Variants in SAMSN1 observed in about 807,000 individuals in gnomAD.
SAMSN1 encodes the protein SAM domain-containing protein SAMSN-1.
Under a neutral mutation model 42.0 loss-of-function variants are expected in SAMSN1, and 31 were observed. The observed-to-expected ratio is 0.74, with a 90% confidence interval of 0.55 to 1.00. The LOEUF (loss-of-function observed/expected upper bound fraction) is 1.00, where lower values mean the gene tolerates loss of function less well. Ranked by LOEUF, SAMSN1 falls within the 50% of genes least tolerant of loss-of-function variation. The pLI, the probability that SAMSN1 is intolerant of heterozygous loss-of-function variation, is 0.00. For synonymous variants in SAMSN1, 178 were observed against 151.9 expected (o/e 1.17, Z -1.26); for missense variants, 464 against 439.4 (o/e 1.06, Z -0.50).
At chr21:14,639,640 C>T (rs1274800940) in intron 2 of SAMSN1, among the ~76,000 whole-genome samples, 1 of 152,106 alleles carries the variant, frequency 6.6e-6, no homozygotes, top group African/African-American at 2.4e-5. Context: ...AATTCAAATA[C>T]TTTGTGAGCT....
intron 2 of SAMSN1, among the ~76,000 whole-genome samples, chr21:14,640,820 A>G (rs1983576559): frequency 6.6e-6 from 1 of 152,144 alleles, no homozygotes; most frequent in South Asian, 2.1e-4. Context: ...CTGTATACAT[A>G]CATACATGTT....
At chr21:14,601,452 A>G (rs974893663) in intron 6 of SAMSN1, among the ~76,000 whole-genome samples, 6 of 152,216 alleles carry the variant, frequency 3.9e-5, no homozygotes, top group Non-Finnish European at 7.3e-5. Context: ...TAATGAAACT[A>G]TCAGAATGAT....
intron 3 of SAMSN1, among the ~76,000 whole-genome samples, chr21:14,513,977 G>T (rs1275812434): frequency 1.3e-5 from 2 of 152,128 alleles, no homozygotes; most frequent in African/African-American, 4.8e-5. Context: ...ATCTCTTGCT[G>T]CGGGACCCTT....
intron 1 of SAMSN1, among the ~76,000 whole-genome samples, chr21:14,652,235 C>T (rs1476463815): frequency 6.6e-6 from 1 of 151,958 alleles, no homozygotes; most frequent in Non-Finnish European, 1.5e-5. Flanking sequence ...ATAGCCAAAG[C>T]TATCCTAAGC....
At chr21:14,627,398 C>G (rs1046706991) in intron 2 of SAMSN1, among the ~76,000 whole-genome samples, 6 of 152,116 alleles carry the variant, frequency 3.9e-5, no homozygotes, top group Non-Finnish European at 8.8e-5. Context: ...AATTTTTCAC[C>G]AAATTTTACT....
upstream of SAMSN1, among the ~76,000 whole-genome samples, chr21:14,584,472 G>A (rs1014300191): frequency 1.3e-5 from 2 of 152,118 alleles, no homozygotes; most frequent in Non-Finnish European, 2.9e-5. Context: ...ATTCAGGAAT[G>A]TTTCCCACTA....
chr21:14,634,610 A>G (rs1296914345), intron 2 of SAMSN1, among the ~76,000 whole-genome samples: 2 of 152,176 alleles, frequency 1.3e-5, no homozygotes, highest in Middle Eastern at 3.2e-3. Context: ...CAAAACCACA[A>G]TGAGATACCA....
intron 2 of SAMSN1, among the ~76,000 whole-genome samples, chr21:14,581,793 T>A (rs1429290834): frequency 6.6e-6 from 1 of 152,194 alleles, no homozygotes; most frequent in African/African-American, 2.4e-5. Flanking sequence ...CTCATTAAAA[T>A]TAGCTATTAT....
At chr21:14,524,093 G>T (rs1978675750) in intron 1 of SAMSN1, among the ~76,000 whole-genome samples, 1 of 152,104 alleles carries the variant, frequency 6.6e-6, no homozygotes, top group Non-Finnish European at 1.5e-5. Flanking sequence ...TTCTCAGATG[G>T]TTTTATGATG....
intron 3 of SAMSN1, among the ~76,000 whole-genome samples, chr21:14,614,505 T>A (rs1982783690): frequency 6.6e-6 from 1 of 151,996 alleles, no homozygotes; most frequent in Non-Finnish European, 1.5e-5. Context: ...TCACTAACTG[T>A]TACAGCTTAA....
Position 14,636,875 on chromosome 21 carries a change from C to CA in SAMSN1, c.156+6126dup, listed in dbSNP as rs977053986. Among the ~76,000 whole-genome samples, 20 of 151,736 alleles carry CA rather than the reference C, an allele frequency of 1.3e-4. No homozygotes were observed. In the East Asian group the frequency reaches 2.9e-3, roughly 22 times the overall value. On this transcript the variant is annotated intron_variant, in intron 2 of 15. Transcript: ENST00000647101. The stretch of plus-strand genomic sequence containing the variant: ...CGAGATTCCGTCTCAAAAAAACAAA[C>CA]AAAAAAAAGTGTATAACTGTTTATT...
chr21:14,631,197 T>C (rs1234297736), intron 2 of SAMSN1, among the ~76,000 whole-genome samples: 1 of 152,224 alleles, frequency 6.6e-6, no homozygotes, highest in African/African-American at 2.4e-5. Context: ...ACTTGTACCA[T>C]TAAACTACGA....
upstream of SAMSN1, among the ~76,000 whole-genome samples, chr21:14,548,791 C>T (rs776431401): frequency 1.3e-5 from 2 of 151,580 alleles, no homozygotes; most frequent in South Asian, 2.1e-4. Flanking sequence ...TGGAGGACAC[C>T]GAGATATTTA....
chr21:14,605,893 G>C (rs1307714059), intron 5 of SAMSN1, among the ~76,000 whole-genome samples: 1 of 151,264 alleles, frequency 6.6e-6, no homozygotes, highest in Admixed American at 6.6e-5. Context: ...CCAGGCTGGA[G>C]TGCAGTGGCG....
chr21:14,567,299 G>GA (rs10714214), intron 2 of SAMSN1, among the ~76,000 whole-genome samples: 35,819 of 137,704 alleles, frequency 0.26, 5,246 homozygotes, highest in African/African-American at 0.43. Context: ...CGGCAAGCTT[G>GA]AAAAAAAAAA....
intron 3 of SAMSN1, among the ~76,000 whole-genome samples, chr21:14,516,134 T>A (rs937754220): frequency 2.0e-5 from 3 of 152,084 alleles, no homozygotes; most frequent in Non-Finnish European, 2.9e-5. Flanking sequence ...TTACTATATA[T>A]CCAAGAGAAA....
At chr21:14,506,745 G>C (rs1016897851) in intron 5 of SAMSN1, among the ~76,000 whole-genome samples, 3 of 152,050 alleles carry the variant, frequency 2.0e-5, no homozygotes, top group Non-Finnish European at 2.9e-5. Context: ...AACCAAAAAA[G>C]AAAACTACAG....
intron 5 of SAMSN1, among the ~76,000 whole-genome samples, chr21:14,507,834 C>G (rs1264875357): frequency 7.7e-6 from 1 of 129,392 alleles, no homozygotes; most frequent in Non-Finnish European, 1.6e-5. Flanking sequence ...CAGCATGGTA[C>G]TGGTAAAAAA....
At chr21:14,496,564 T>C (rs2123673477) in intron 7 of SAMSN1, among the ~76,000 whole-genome samples, 1 of 152,334 alleles carries the variant, frequency 6.6e-6, no homozygotes, top group Non-Finnish European at 1.5e-5. Flanking sequence ...CATTGTTTAG[T>C]GAGGAGCCAC....
Sources: gnomAD v4.1 joint callset for allele counts (sites outside exome capture counted in the v4.1 genomes callset) on GRCh38, gnomAD v4.1.1 for gene constraint, MANE v1.5 for transcripts, NCBI Gene and HGNC (gene_info 2026-07-23, HGNC 2026-07-21) for gene names.